The following SLIT3 variants were observed in gnomAD, a reference collection of about 807,000 sequenced individuals.
SLIT3 encodes the protein slit guidance ligand 3, also known as slit homolog 3 protein.
A neutral mutation model predicts 184.0 loss-of-function variants in SLIT3; 68 were observed. The ratio of observed to expected loss-of-function variants is 0.37; its 90% CI spans 0.30 to 0.45. The LOEUF is 0.45. Among genes scored for constraint, SLIT3 ranks in the 20% least tolerant of loss-of-function variants. SLIT3 has a pLI of 1.00. For missense variants in SLIT3, 1,707 were observed against 2,026.0 expected, an observed-to-expected ratio of 0.84 and a Z score of 3.02; for synonymous variants, 831 against 828.6, an observed-to-expected ratio of 1.00 and a Z score of -0.05.
At chr5:169,259,250 G>T (rs1043955285) in intron 1 of SLIT3, among the ~76,000 whole-genome samples, 1 of 150,404 alleles carries the variant, frequency 6.6e-6, no homozygotes, top group African/African-American at 2.5e-5. Context: ...GTAGAGACGG[G>T]GTTTCACCAG....
intron 4 of SLIT3, among the ~76,000 whole-genome samples, chr5:168,943,342 A>G (rs922334138): frequency 2.6e-5 from 4 of 152,218 alleles, no homozygotes; most frequent in Non-Finnish European, 2.9e-5. Flanking sequence ...TTCAAAACTG[A>G]TATCTGATAC....
At position 168,933,862 on chromosome 5, in the gene SLIT3, GA is replaced by G. The variant is rs1762072601; in HGVS notation, c.414-50527del. Among the ~76,000 whole-genome samples the G allele has an allele frequency of 2.0e-5, 3 of 152,306 alleles. No individual in the cohort carries two copies. The South Asian group carries it at 6.2e-4, about 32-fold the overall frequency. The stretch of plus-strand genomic sequence containing the variant: ...AGTGATGCGCTAACAGATGATTTAA[GA>G]GGAGGAGCCTGGCTAGGAAGGGCTG... On this transcript the variant is annotated intron_variant, in intron 4 of 35. Coordinates refer to ENST00000519560, the MANE Select transcript of SLIT3 (RefSeq NM_003062.4).
chr5:169,181,619 T>C (rs145482298), intron 4 of SLIT3, among the ~76,000 whole-genome samples: 1,563 of 151,910 alleles, frequency 0.01, 18 homozygotes, highest in Non-Finnish European at 0.016. Context: ...CGCGTACCTG[T>C]AGTCCCAGCT....
intron 1 of SLIT3, among the ~76,000 whole-genome samples, chr5:169,279,294 G>T (rs1040687399): frequency 2.6e-5 from 4 of 152,220 alleles, no homozygotes; most frequent in Non-Finnish European, 5.9e-5. Flanking sequence ...CCCTGCAGGT[G>T]TGTGTAGAAT....
At chr5:168,964,446 T>A (rs1016386678) in intron 4 of SLIT3, among the ~76,000 whole-genome samples, 3 of 152,224 alleles carry the variant, frequency 2.0e-5, no homozygotes, top group Admixed American at 6.5e-5. Context: ...TAGTTTTACG[T>A]ATTATTGGCC....
At chr5:169,254,095 A>G (rs931502905) in intron 1 of SLIT3, among the ~76,000 whole-genome samples, 5 of 151,962 alleles carry the variant, frequency 3.3e-5, no homozygotes, top group Middle Eastern at 3.4e-3. Flanking sequence ...CCAACTCCAC[A>G]CAGCTGGGTC....
At chr5:168,852,384 A>C (rs1758712800) in intron 5 of SLIT3, among the ~76,000 whole-genome samples, 1 of 152,256 alleles carries the variant, frequency 6.6e-6, no homozygotes, top group African/African-American at 2.4e-5. Context: ...CTGGGCTCTA[A>C]AGATTAAATG....
intron 4 of SLIT3, among the ~76,000 whole-genome samples, chr5:169,025,239 A>G (rs1339456635): frequency 6.6e-6 from 1 of 152,212 alleles, no homozygotes; most frequent in South Asian, 2.1e-4. Context: ...TAAAGACACT[A>G]TTATTCAAGG....
At chr5:169,044,844 C>T (rs376728349) in intron 4 of SLIT3, among the ~76,000 whole-genome samples, 11 of 152,172 alleles carry the variant, frequency 7.2e-5, no homozygotes, top group African/African-American at 2.4e-4. Flanking sequence ...ATTCAACTGG[C>T]CTGTAGACCC....
chr5:168,722,723 G>A (rs772046883), intron 22 of SLIT3, among the ~76,000 whole-genome samples: 19 of 152,234 alleles, frequency 1.2e-4, no homozygotes, highest in Non-Finnish European at 2.5e-4. Flanking sequence ...CAGAAGCGAC[G>A]AGGTTCTAGT....
At chr5:168,998,893 CTGTG>C (rs71575505) in intron 4 of SLIT3, among the ~76,000 whole-genome samples, 115 of 143,246 alleles carry the variant, frequency 8.0e-4, no homozygotes, top group South Asian at 3.2e-3. Flanking sequence ...ACCCAGAAAT[CTGTG>C]TGTGTGTGTG....
chr5:169,242,953 C>T (rs1765454154), intron 3 of SLIT3, among the ~76,000 whole-genome samples: 1 of 152,028 alleles, frequency 6.6e-6, no homozygotes, highest in East Asian at 1.9e-4. Context: ...CACACTTCAT[C>T]TAGTATCTGC....
intron 9 of SLIT3, among the ~76,000 whole-genome samples, chr5:168,797,317 G>C (rs1756600671): frequency 6.6e-6 from 1 of 152,212 alleles, no homozygotes; most frequent in African/African-American, 2.4e-5. Context: ...TGCCAGTCAG[G>C]TGGTGCGTGC....
chr5:168,888,801 G>A (rs1007468023), intron 4 of SLIT3, among the ~76,000 whole-genome samples: 4 of 152,190 alleles, frequency 2.6e-5, no homozygotes, highest in Non-Finnish European at 5.9e-5. Context: ...TTGGATTTGG[G>A]ATCAGGGCAG....
At chr5:169,039,412 G>T (rs367993234) in intron 4 of SLIT3, among the ~76,000 whole-genome samples, 51 of 151,384 alleles carry the variant, frequency 3.4e-4, no homozygotes, top group African/African-American at 1.2e-3. Context: ...CACTTCCCGG[G>T]TTCATGCCAT....
chr5:169,274,431 T>G (rs957797550), intron 1 of SLIT3, among the ~76,000 whole-genome samples: 1 of 152,192 alleles, frequency 6.6e-6, no homozygotes, highest in Non-Finnish European at 1.5e-5. Context: ...CCACGCAGAG[T>G]TGTATAAAAA....
intron 4 of SLIT3, among the ~76,000 whole-genome samples, chr5:169,013,555 C>T (rs188772945): frequency 2.0e-4 from 31 of 152,306 alleles, no homozygotes; most frequent in African/African-American, 6.7e-4. Context: ...TACCTGGATG[C>T]TTATTAAAGG....
chr5:168,946,571 G>A (rs1762489928), intron 4 of SLIT3, among the ~76,000 whole-genome samples: 2 of 152,214 alleles, frequency 1.3e-5, no homozygotes, highest in Non-Finnish European at 2.9e-5. Flanking sequence ...GGAGAGGCTT[G>A]GTGATGGCAG....
chr5:168,966,390 A>G (rs1763195466), intron 4 of SLIT3, among the ~76,000 whole-genome samples: 1 of 151,826 alleles, frequency 6.6e-6, no homozygotes, highest in South Asian at 2.1e-4. Flanking sequence ...AGAAAGGCAA[A>G]GCTTTGGGAC....
Sources: gnomAD v4.1 joint callset for allele counts (sites outside exome capture counted in the v4.1 genomes callset) on GRCh38, gnomAD v4.1.1 for gene constraint, MANE v1.5 for transcripts, NCBI Gene and HGNC (gene_info 2026-07-23, HGNC 2026-07-21) for gene names.